Variants in SLC9C2 observed in about 807,000 individuals in gnomAD.
The protein encoded by SLC9C2 is solute carrier family 9 member C2 (putative).
In SLC9C2, 75 loss-of-function variants were observed where a neutral mutation model predicts 140.2. The ratio of observed to expected loss-of-function variants is 0.53; its 90% CI spans 0.44 to 0.65. The LOEUF (loss-of-function observed/expected upper bound fraction) is 0.65. Ranked by LOEUF, SLC9C2 falls within the 30% of genes least tolerant of loss-of-function variation. The pLI, the probability that SLC9C2 is intolerant of heterozygous loss-of-function variation, is 0.00. For missense variants in SLC9C2, 1,074 were observed against 1,331.8 expected (o/e 0.81, Z 3.01); for synonymous variants, 375 against 420.9 (o/e 0.89, Z 1.34).
intron 4 of SLC9C2, among the ~76,000 whole-genome samples, chr1:173,593,715 G>C (rs944410612): frequency 6.6e-6 from 1 of 152,070 alleles, no homozygotes; most frequent in Non-Finnish European, 1.5e-5. Flanking sequence ...GAAAAATGCA[G>C]GGGCTGTTAC....
intron 18 of SLC9C2, among the ~76,000 whole-genome samples, chr1:173,527,237 G>GT (rs1661267855): frequency 6.6e-6 from 1 of 152,124 alleles, no homozygotes; most frequent in African/African-American, 2.4e-5. Flanking sequence ...TTCCCTCTGG[G>GT]TCAATTCTGC....
At position 173,523,991 on chromosome 1, in the gene SLC9C2, T is replaced by G. The variant is rs758398727; in HGVS notation, c.2618A>C (p.Asp873Ala). The G allele has an allele frequency of 6.2e-7, 1 of 1,613,064 alleles. No homozygotes were observed. The highest frequency in any genetic ancestry group is 8.5e-7 in the Non-Finnish European group (1 of 1,179,700). ...TACCTTGAAGAAGTCAATGAGAACATCTTTACCTTCCAGCCAAATGATGTT... is the reference window on the plus strand; with the variant it reads ...TACCTTGAAGAAGTCAATGAGAACAGCTTTACCTTCCAGCCAAATGATGTT... ...LHNIIWLEGKDVLIDFFKERA... is the reference protein window; with the variant it reads ...LHNIIWLEGKAVLIDFFKERA... Residue 873 changes from aspartate to alanine, a missense_variant, in exon 21 of 28, where the codon GAT becomes GCT. Asp to Ala is a moderately radical substitution (Grantham distance 126). Coordinates refer to ENST00000367714, the MANE Select transcript of SLC9C2 (RefSeq NM_178527.4).
rs1665681555 is a variant in SLC9C2, at chr1:173,583,616, G to T, written c.530C>A (p.Ser177Tyr). 1 of 1,494,356 alleles carries T rather than the reference G, an allele frequency of 6.7e-7. No individual in the cohort carries two copies. Among genetic ancestry groups the T allele is most frequent in the South Asian group, 1.3e-5 (1 of 76,946 alleles). 92.6% of individuals were successfully genotyped at this position (1,494,356 alleles called of 1,614,324 possible). The change falls in exon 6 of 28, where the codon TCT becomes TAT. Residue 177 changes from serine (S) to tyrosine (Y), a missense_variant. Ser to Tyr is a moderately radical substitution (Grantham distance 144). Coordinates refer to ENST00000367714, the MANE Select transcript of SLC9C2 (RefSeq NM_178527.4). ...SVNSLKTIGI[S>Y]KIYIDLIRGE... ...TCTAATGAGATCAATGTATATTTTAGAAATGCCTGAAAAAGGAAATACAAA... is the reference window on the plus strand; with the variant it reads ...TCTAATGAGATCAATGTATATTTTATAAATGCCTGAAAAAGGAAATACAAA...
chr1:173,563,060 C>G (rs570453404), intron 9 of SLC9C2, among the ~76,000 whole-genome samples: 4 of 151,774 alleles, frequency 2.6e-5, no homozygotes, highest in African/African-American at 9.7e-5. Context: ...AAGCAAGGAT[C>G]GTTTGTCCTG....
intron 17 of SLC9C2, among the ~76,000 whole-genome samples, chr1:173,530,500 G>A (rs771453085): frequency 1.4e-4 from 21 of 152,116 alleles, no homozygotes; most frequent in Non-Finnish European, 2.9e-5. Context: ...AGAACTTAGG[G>A]TATCTAAGAT....
intron 17 of SLC9C2, among the ~76,000 whole-genome samples, chr1:173,530,918 T>C (rs1661531849): frequency 6.6e-6 from 1 of 152,086 alleles, no homozygotes; most frequent in South Asian, 2.1e-4. Context: ...TTTAAGCTGC[T>C]ATTTTGCCTT....
intron 4 of SLC9C2, among the ~76,000 whole-genome samples, chr1:173,589,866 A>G (rs1363606129): frequency 6.6e-6 from 1 of 152,198 alleles, no homozygotes; most frequent in Non-Finnish European, 1.5e-5. Flanking sequence ...ATTACATACA[A>G]TACAGCACTG....
intron 2 of SLC9C2, 22 bp downstream of exon 2, chr1:173,601,626 TGA>T (rs750537953): frequency 4.3e-6 from 7 of 1,610,782 alleles, no homozygotes; most frequent in Non-Finnish European, 5.9e-6. Flanking sequence ...AGAGGAAAGA[TGA>T]GTTTCAAAAA....
chr1:173,576,171 A>G (rs1431843393), intron 8 of SLC9C2, among the ~76,000 whole-genome samples: 1 of 152,198 alleles, frequency 6.6e-6, no homozygotes, highest in Non-Finnish European at 1.5e-5. Context: ...CTTTCAGAGA[A>G]AGGCTAACTT....
intron 9 of SLC9C2, among the ~76,000 whole-genome samples, chr1:173,562,472 T>C (rs2102130251): frequency 6.6e-6 from 1 of 152,308 alleles, no homozygotes; most frequent in South Asian, 2.1e-4. Flanking sequence ...GGAACAATTT[T>C]CTATTAATCT....
In SLC9C2 at chr1:173,505,258, G is replaced by A; in HGVS notation, c.3299C>T (p.Thr1100Ile). ...ASELTQRNSNTNVMASVNTVF... is the reference protein window; with the variant it reads ...ASELTQRNSNINVMASVNTVF... ...GGTCTACCCCTTACCCATGACATTG[G>A]TGTTACTATTTCTTTGGGTAAGCTC... is the stretch of plus-strand genomic sequence containing the variant. The change falls in exon 26 of 28, where the codon ACC becomes ATC. Residue 1100 changes from threonine to isoleucine, a missense_variant. Transcript: ENST00000367714. 6.2e-7 allele frequency: 1 copy of A among 1,613,574 alleles called. No individual in the cohort carries two copies. Among genetic ancestry groups the A allele is most frequent in the Non-Finnish European group, 8.5e-7 (1 of 1,179,534 alleles).
At chr1:173,531,139 C>A (rs1458537828) in intron 17 of SLC9C2, among the ~76,000 whole-genome samples, 1 of 152,104 alleles carries the variant, frequency 6.6e-6, no homozygotes, top group Non-Finnish European at 1.5e-5. Context: ...GTGAAATCTA[C>A]CTCACAAGGC....
chr1:173,534,721 G>A, intron 15 of SLC9C2, 39 bp from the exon 16 acceptor site: 1 of 1,355,452 alleles, frequency 7.4e-7, no homozygotes, highest in Non-Finnish European at 9.8e-7. Context: ...TCACTTAAAA[G>A]TATAATTAGC....
chr1:173,518,279 AC>A (rs1217757126), intron 22 of SLC9C2, among the ~76,000 whole-genome samples: 27 of 149,804 alleles, frequency 1.8e-4, no homozygotes, highest in African/African-American at 6.4e-4. Flanking sequence ...AAAAAAAAAA[AC>A]CCACCAAAAC....
At chr1:173,567,542 T>C (rs58009690) in intron 9 of SLC9C2, among the ~76,000 whole-genome samples, 24,891 of 152,056 alleles carry the variant, frequency 0.16, 6,770 homozygotes, top group African/African-American at 0.57. Flanking sequence ...TCAGTCTATA[T>C]GTATCTTTAT....
At chr1:173,510,643 T>C (rs867764516) in intron 23 of SLC9C2, among the ~76,000 whole-genome samples, 2 of 152,216 alleles carry the variant, frequency 1.3e-5, no homozygotes, top group African/African-American at 4.8e-5. Context: ...ATTTCATCTA[T>C]GTCCCTGCAA....
At chr1:173,529,549 C>T (rs1276767466) in intron 18 of SLC9C2, among the ~76,000 whole-genome samples, 2 of 151,488 alleles carry the variant, frequency 1.3e-5, no homozygotes, top group Non-Finnish European at 2.9e-5. Context: ...TCACTTAAGA[C>T]TTACCCTTTC....
At chr1:173,544,134 T>C (rs1662653711) in intron 13 of SLC9C2, among the ~76,000 whole-genome samples, 1 of 151,956 alleles carries the variant, frequency 6.6e-6, no homozygotes, top group Non-Finnish European at 1.5e-5. Flanking sequence ...ATCAAGAATC[T>C]CCAAAGAACT....
chr1:173,600,735 C>T (rs1429974836), intron 2 of SLC9C2, among the ~76,000 whole-genome samples: 2 of 152,054 alleles, frequency 1.3e-5, no homozygotes, highest in Non-Finnish European at 2.9e-5. Context: ...ACTACTGGAG[C>T]GTTTGTCTCT....
Sources: gnomAD v4.1 joint callset for allele counts (sites outside exome capture counted in the v4.1 genomes callset) on GRCh38, gnomAD v4.1.1 for gene constraint, MANE v1.5 for transcripts, NCBI Gene and HGNC (gene_info 2026-07-23, HGNC 2026-07-21) for gene names.